The following ASTN2 variants were observed in gnomAD, a reference collection of about 807,000 sequenced individuals.
The protein encoded by ASTN2 is astrotactin 2, also known as astrotactin-2.
Under a neutral mutation model 139.8 loss-of-function variants are expected in ASTN2, and 54 were observed. The ratio of observed to expected loss-of-function variants is 0.39; its 90% CI spans 0.31 to 0.48. The LOEUF is 0.48. Ranked by LOEUF, ASTN2 falls within the 20% of genes least tolerant of loss-of-function variation. The pLI is 0.95. For synonymous variants in ASTN2, 756 were observed against 719.5 expected (o/e 1.05, Z -0.81); for missense variants, 1,565 against 1,725.1 (o/e 0.91, Z 1.64).
intron 10 of ASTN2, among the ~76,000 whole-genome samples, chr9:116,936,046 G>A (rs1023272992): frequency 1.3e-3 from 3 of 2,272 alleles, no homozygotes; most frequent in African/African-American, 4.3e-3. Context: ...CTTAATTACC[G>A]AGCTGTGGGG....
intron 1 of ASTN2, among the ~76,000 whole-genome samples, chr9:117,342,466 C>T (rs1829092152): frequency 2.0e-5 from 3 of 152,144 alleles, no homozygotes; most frequent in South Asian, 4.1e-4. Flanking sequence ...CGGAGTTTCC[C>T]AAAGTGAGTC....
chr9:117,020,954 T>C (rs79004016), intron 6 of ASTN2, among the ~76,000 whole-genome samples: 7,955 of 152,120 alleles, frequency 0.052, 512 homozygotes, highest in African/African-American at 0.16. Flanking sequence ...GCGCTTCAGG[T>C]TGGGGTGCAG....
chr9:116,745,223 C>T (rs1467885014), intron 13 of ASTN2, among the ~76,000 whole-genome samples: 1 of 152,206 alleles, frequency 6.6e-6, no homozygotes, highest in African/African-American at 2.4e-5. Context: ...ATTGGACTGA[C>T]TACCAATCCC....
At chr9:117,243,222 G>C (rs1189568137) in intron 2 of ASTN2, among the ~76,000 whole-genome samples, 2 of 152,196 alleles carry the variant, frequency 1.3e-5, no homozygotes, top group Non-Finnish European at 2.9e-5. Flanking sequence ...TCTCGCTGTG[G>C]TTTTCTCACT....
At chr9:116,907,706 C>G (rs1489718707) in intron 10 of ASTN2, among the ~76,000 whole-genome samples, 1 of 152,122 alleles carries the variant, frequency 6.6e-6, no homozygotes, top group African/African-American at 2.4e-5. Flanking sequence ...AAGATCATTA[C>G]CATTTGAGCT....
chr9:117,340,520 C>T (rs976177383), intron 1 of ASTN2, among the ~76,000 whole-genome samples: 6 of 151,860 alleles, frequency 4.0e-5, no homozygotes, highest in South Asian at 4.2e-4. Context: ...CTCTCTACCA[C>T]GCTAAGACCT....
At chr9:116,439,185 T>C (rs1588058668) in intron 22 of ASTN2, among the ~76,000 whole-genome samples, 1 of 143,632 alleles carries the variant, frequency 7.0e-6, no homozygotes, top group Non-Finnish European at 1.5e-5. Context: ...GTGTTTTCTA[T>C]TCAAATACAT....
At chr9:116,939,318 C>A (rs936092596) in intron 10 of ASTN2, among the ~76,000 whole-genome samples, 1 of 152,010 alleles carries the variant, frequency 6.6e-6, no homozygotes, top group African/African-American at 2.4e-5. Context: ...ATAAAATAAT[C>A]ACTTTTATTA....
rs188580085 is a variant in ASTN2, at chr9:117,142,491, A to G, written c.1016-1013T>C. Among the ~76,000 whole-genome samples the G allele has an allele frequency of 9.2e-4, 140 of 152,284 alleles. No individual in the cohort carries two copies. The East Asian group carries it at 0.018, about 20-fold the overall frequency. ...TGAGGGGATGTTGAAGCCCCAAAAC[A>G]CAATATATGTCTTACTCCAAGATAG... On this transcript the variant is annotated intron_variant, in intron 3 of 22. Coordinates refer to ENST00000313400, the MANE Select transcript of ASTN2 (RefSeq NM_001365068.1).
At chr9:116,752,255 T>G (rs1371861897) in intron 13 of ASTN2, among the ~76,000 whole-genome samples, 1 of 152,182 alleles carries the variant, frequency 6.6e-6, no homozygotes, top group East Asian at 1.9e-4. Context: ...GAAAAGGTAG[T>G]CTTTTTGACA....
chr9:116,728,228 C>T (rs140999450), intron 15 of ASTN2, among the ~76,000 whole-genome samples: 106 of 152,200 alleles, frequency 7.0e-4, no homozygotes, highest in African/African-American at 2.5e-3. Flanking sequence ...ACCCAAGCCC[C>T]GCCCACAGTT....
intron 19 of ASTN2, among the ~76,000 whole-genome samples, chr9:116,499,348 C>G (rs1849778947): frequency 6.6e-6 from 1 of 152,144 alleles, no homozygotes; most frequent in South Asian, 2.1e-4. Context: ...CGGAGAGGTA[C>G]TCATGACTCA....
At chr9:117,264,118 G>A (rs867215539) in intron 2 of ASTN2, among the ~76,000 whole-genome samples, 10 of 151,850 alleles carry the variant, frequency 6.6e-5, no homozygotes, top group East Asian at 1.9e-4. Flanking sequence ...TTTATTTATG[G>A]TATCCACATA....
intron 1 of ASTN2, among the ~76,000 whole-genome samples, chr9:117,384,173 G>A (rs899155395): frequency 2.0e-5 from 3 of 152,180 alleles, no homozygotes; most frequent in African/African-American, 7.2e-5. Flanking sequence ...TGGAAGGTGA[G>A]CAGGCAGTGT....
At chr9:117,381,877 G>C (rs1023914045) in intron 1 of ASTN2, among the ~76,000 whole-genome samples, 2 of 152,126 alleles carry the variant, frequency 1.3e-5, no homozygotes, top group Non-Finnish European at 2.9e-5. Context: ...ATGAGGTAGA[G>C]AGGGTAAAAA....
chr9:116,429,360 A>AAAAG (rs57088669), intron 22 of ASTN2, among the ~76,000 whole-genome samples: 3,452 of 148,378 alleles, frequency 0.023, 57 homozygotes, highest in East Asian at 0.057. Context: ...AAAAAAAAAA[A>AAAAG]GTAACCAAGT....
chr9:116,489,331 T>A (rs1444393030), intron 19 of ASTN2, among the ~76,000 whole-genome samples: 1 of 151,998 alleles, frequency 6.6e-6, no homozygotes, highest in African/African-American at 2.4e-5. Flanking sequence ...TTATTTATTT[T>A]TTAATTTTAA....
Position 117,185,919 on chromosome 9 carries a change from G to A in ASTN2, c.1015+28439C>T, listed in dbSNP as rs1831185705. Among the ~76,000 whole-genome samples the A allele has an allele frequency of 1.3e-5, 2 of 152,168 alleles. 1 individual carries two copies. Among genetic ancestry groups the A allele is most frequent in the South Asian group, 4.1e-4 (2 of 4,822 alleles). On this transcript the variant is annotated intron_variant, in intron 3 of 22. Transcript: ENST00000313400. ...TATCCAATCAATAGTGTATCTCCATGAAGCCTGAGACTGTTTCTGATCATA... is the reference window on the plus strand; with the variant it reads ...TATCCAATCAATAGTGTATCTCCATAAAGCCTGAGACTGTTTCTGATCATA...
intron 10 of ASTN2, among the ~76,000 whole-genome samples, chr9:116,887,468 A>G (rs1213524730): frequency 6.6e-6 from 1 of 151,678 alleles, no homozygotes; most frequent in Admixed American, 6.6e-5. Context: ...ACGTGTTACA[A>G]GCAGAGAGAG....
Sources: allele counts gnomAD v4.1 joint callset (sites outside exome capture counted in the v4.1 genomes callset), GRCh38; gene constraint gnomAD v4.1.1; transcripts MANE v1.5; gene names NCBI Gene and HGNC (gene_info 2026-07-23, HGNC 2026-07-21).